The following ARHGAP6 variants were observed in gnomAD, a reference collection of about 807,000 sequenced individuals.
ARHGAP6 encodes the protein Rho GTPase activating protein 6, also known as rho GTPase-activating protein 6.
ARHGAP6 carries 16 observed loss-of-function variants against 55.7 expected under a neutral mutation model. The ratio of observed to expected loss-of-function variants is 0.29; its 90% CI spans 0.19 to 0.44. The LOEUF (loss-of-function observed/expected upper bound fraction) is 0.44. Ranked by LOEUF, ARHGAP6 falls within the 20% of genes least tolerant of loss-of-function variation. The pLI is 1.00. For synonymous variants in ARHGAP6, 382 were observed against 360.9 expected (o/e 1.06, Z -0.66); for missense variants, 698 against 808.9 (o/e 0.86, Z 1.66).
At chrX:11,333,871 C>T (rs1312622334) in intron 1 of ARHGAP6, among the ~76,000 whole-genome samples, 1 of 111,686 alleles carries the variant, frequency 9.0e-6, no homozygotes, top group Non-Finnish European at 1.9e-5. Context: ...CCCCTGACAC[C>T]GTAAGATGCT....
At chrX:11,331,826 C>G (rs1487442074) in intron 1 of ARHGAP6, among the ~76,000 whole-genome samples, 2 of 112,038 alleles carry the variant, frequency 1.8e-5, no homozygotes, top group African/African-American at 6.5e-5. Context: ...CTCACAACAT[C>G]TCACAATGTT....
chrX:11,346,426 G>T (rs2048785251), intron 1 of ARHGAP6, among the ~76,000 whole-genome samples: 1 of 111,670 alleles, frequency 9.0e-6, no homozygotes, highest in Non-Finnish European at 1.9e-5. Context: ...CCATCCTAGG[G>T]TATTAACATA....
At chrX:11,190,938 C>T (rs2147351287) in intron 3 of ARHGAP6, among the ~76,000 whole-genome samples, 1 of 112,657 alleles carries the variant, frequency 8.9e-6, no homozygotes, top group Admixed American at 9.3e-5. Context: ...CTCCACCACC[C>T]TCCTTTGCAT....
chrX:11,255,490 C>T (rs2047483135), intron 1 of ARHGAP6, among the ~76,000 whole-genome samples: 1 of 109,701 alleles, frequency 9.1e-6, no homozygotes, highest in Non-Finnish European at 1.9e-5. Flanking sequence ...TAACATATAC[C>T]AATATAATAT....
chrX:11,584,789 TTATGAC>T (rs201260461), intron 1 of ARHGAP6, among the ~76,000 whole-genome samples: 2,975 of 111,772 alleles, frequency 0.027, 45 homozygotes, highest in Non-Finnish European at 0.039. Flanking sequence ...CTCTAAAGTG[TTATGAC>T]TATAATAACT....
At chrX:11,442,166 C>A (rs2050045951) in intron 1 of ARHGAP6, among the ~76,000 whole-genome samples, 1 of 110,800 alleles carries the variant, frequency 9.0e-6, no homozygotes, top group Non-Finnish European at 1.9e-5. Flanking sequence ...TACATCCCTT[C>A]TATTCATTTT....
At chrX:11,159,233 C>T (rs150553485) in intron 9 of ARHGAP6, among the ~76,000 whole-genome samples, 287 of 111,306 alleles carry the variant, frequency 2.6e-3, no homozygotes, top group Middle Eastern at 0.014. Context: ...ATAAGGACTT[C>T]TGCACTTACT....
rs774572206 is a variant in ARHGAP6 at position 11,351,896 on chromosome X, A to G, written c.589-97189T>C. 7.1e-5 allele frequency among the ~76,000 whole-genome samples: 8 copies of G among 112,555 alleles called. No homozygotes were observed. The South Asian group carries it at 3.0e-3, about 42-fold the overall frequency. On this transcript the variant is annotated intron_variant, in intron 1 of 12. Transcript: ENST00000337414. ...GTAGACCACAAGTTGTGAGAGCCTT[A>G]GGCATTGACCAATCACTTCTCACCT...
At chrX:11,323,086 G>T (rs777873428) in intron 1 of ARHGAP6, among the ~76,000 whole-genome samples, 1 of 111,984 alleles carries the variant, frequency 8.9e-6, no homozygotes, top group Non-Finnish European at 1.9e-5. Flanking sequence ...CAATTATTCA[G>T]GAATGAGCTG....
intron 1 of ARHGAP6, among the ~76,000 whole-genome samples, chrX:11,486,713 TG>T (rs1261261230): frequency 9.0e-6 from 1 of 111,379 alleles, no homozygotes; most frequent in African/African-American, 3.3e-5. Context: ...GGTCTGTTGC[TG>T]GGGATCAAGC....
chrX:11,509,482 T>C (rs1242986878), intron 1 of ARHGAP6, among the ~76,000 whole-genome samples: 2 of 111,487 alleles, frequency 1.8e-5, no homozygotes, highest in Admixed American at 9.5e-5. Context: ...ATTTCCAAGT[T>C]GGGAGTGACT....
chrX:11,254,460 G>A, intron 2 of ARHGAP6, 88 bp downstream of exon 2: 1 of 1,062,311 alleles, frequency 9.4e-7, no homozygotes, highest in African/African-American at 1.8e-5. Context: ...TGAATATTAG[G>A]TGTGAGAAGA....
At chrX:11,366,432 T>C (rs113548113) in intron 1 of ARHGAP6, among the ~76,000 whole-genome samples, 84 of 112,082 alleles carry the variant, frequency 7.5e-4, no homozygotes, top group Middle Eastern at 4.6e-3. Context: ...ATTATTGCAA[T>C]GTTTTAAGTT....
intron 1 of ARHGAP6, among the ~76,000 whole-genome samples, chrX:11,554,923 A>G (rs894191094): frequency 6.6e-4 from 74 of 112,221 alleles, no homozygotes; most frequent in African/African-American, 2.3e-3. Flanking sequence ...CAATACTCCT[A>G]AGTGGGAACC....
chrX:11,559,014 C>T (rs1485886461), intron 1 of ARHGAP6, among the ~76,000 whole-genome samples: 1 of 105,594 alleles, frequency 9.5e-6, no homozygotes, highest in Non-Finnish European at 1.9e-5. Context: ...CACTTGTCTG[C>T]CCTGTCCACA....
At chrX:11,147,544 A>G (rs1313257614) in intron 10 of ARHGAP6, among the ~76,000 whole-genome samples, 1 of 112,278 alleles carries the variant, frequency 8.9e-6, no homozygotes, top group East Asian at 2.8e-4. Context: ...CCTTCATTAC[A>G]CACCTGTGCT....
At chrX:11,196,548 T>C (rs745625773) in intron 3 of ARHGAP6, among the ~76,000 whole-genome samples, 1 of 111,558 alleles carries the variant, frequency 9.0e-6, no homozygotes, top group East Asian at 2.8e-4. Flanking sequence ...GTAGTGGTGG[T>C]AGGTGAATTC....
At chrX:11,482,238 T>C (rs1457391776) in intron 1 of ARHGAP6, among the ~76,000 whole-genome samples, 1 of 111,877 alleles carries the variant, frequency 8.9e-6, no homozygotes, top group Non-Finnish European at 1.9e-5. Flanking sequence ...TCAATAGTAC[T>C]TGGGGAGGAG....
chrX:11,295,486 C>A (rs1292564426), intron 1 of ARHGAP6, among the ~76,000 whole-genome samples: 2 of 111,468 alleles, frequency 1.8e-5, no homozygotes, highest in African/African-American at 6.5e-5. Flanking sequence ...ACATTAGACC[C>A]ACTCTGTCTG....
Sources: allele counts gnomAD v4.1 joint callset (sites outside exome capture counted in the v4.1 genomes callset), GRCh38; gene constraint gnomAD v4.1.1; transcripts MANE v1.5; gene names NCBI Gene and HGNC (gene_info 2026-07-23, HGNC 2026-07-21).